NUMBL: variants seen among roughly 807,000 people sequenced by gnomAD.
The protein encoded by NUMBL is NUMB like endocytic adaptor protein.
Under a neutral mutation model 48.9 loss-of-function variants are expected in NUMBL, and 20 were observed. The observed-to-expected ratio is 0.41, with a 90% CI of 0.29 to 0.59. NUMBL has a LOEUF of 0.59. NUMBL is among the 20% of genes least tolerant of loss of function. The pLI is 0.31. For synonymous variants in NUMBL, 340 were observed against 348.7 expected, an observed-to-expected ratio of 0.98 and a Z score of 0.28; for missense variants, 660 against 846.2, an observed-to-expected ratio of 0.78 and a Z score of 2.73.
intron 6 of NUMBL, among the ~76,000 whole-genome samples, chr19:40,679,665 C>G (rs921053629): frequency 1.3e-5 from 2 of 151,980 alleles, no homozygotes; most frequent in Non-Finnish European, 2.9e-5. Flanking sequence ...GTAACAAGAG[C>G]GAAACTCTGT....
chr19:40,667,311 G>A lies in NUMBL; in HGVS notation c.*157C>T. On this transcript the variant is annotated 3_prime_UTR_variant, in exon 10 of 10. Coordinates refer to ENST00000252891, the MANE Select transcript of NUMBL (RefSeq NM_004756.5). The surrounding 1 kb of genome is among the most constrained non-coding windows in gnomAD (Gnocchi z 6.1). ...CCTGTTGCAACCTGGGCGTCACAATGTTGGTTCTGTAGTGGTTGTCGGGGT... is the reference window on the plus strand; with the variant it reads ...CCTGTTGCAACCTGGGCGTCACAATATTGGTTCTGTAGTGGTTGTCGGGGT... 1 of 1,075,590 alleles carries A rather than the reference G, an allele frequency of 9.3e-7. No homozygotes were observed. Among genetic ancestry groups the A allele is most frequent in the South Asian group, 1.7e-5 (1 of 60,446 alleles). 66.6% of individuals were successfully genotyped at this position (1,075,590 alleles called of 1,614,324 possible).
chr19:40,690,596 G>A lies in NUMBL; in HGVS notation c.-113C>T, dbSNP rs1487027642. 3.6e-6 allele frequency: 2 copies of A among 561,142 alleles called. No individual in the cohort carries two copies. The highest frequency in any genetic ancestry group is 5.2e-6 in the Non-Finnish European group (2 of 382,806). 34.8% of individuals were successfully genotyped at this position (561,142 alleles called of 1,614,324 possible). ...GGTCTGACGCCGGCCAGGGCCCGGG[G>A]CCGGGGGATGGTGCGGGATGCACGC... is the stretch of plus-strand genomic sequence containing the variant. On this transcript the variant is annotated 5_prime_UTR_variant, in exon 1 of 10. Coordinates refer to ENST00000252891, the MANE Select transcript of NUMBL (RefSeq NM_004756.5).
chr19:40,681,441 T>A (rs1435333732), intron 5 of NUMBL, among the ~76,000 whole-genome samples: 1 of 152,134 alleles, frequency 6.6e-6, no homozygotes, highest in Non-Finnish European at 1.5e-5. Context: ...CTGAGGGAAC[T>A]GCCTTGCAAA....
At position 40,682,858 on chromosome 19, in the gene NUMBL, C is replaced by T. The variant is rs1203103280; in HGVS notation, c.324+36G>A. On this transcript the variant is annotated intron_variant, in intron 4 of 9. Coordinates refer to ENST00000252891, the MANE Select transcript of NUMBL (RefSeq NM_004756.5). This position sits in a 1 kb window ranked among gnomAD's most constrained non-coding sequence, Gnocchi z 4.0. ...GGTCAGGGTGCCTCTCCCTGTCTGA[C>T]CTTGCCCCCTCCCTCATGGCAGCCC... 2.7e-5 allele frequency: 43 copies of T among 1,613,958 alleles called. No individual in the cohort carries two copies. The highest frequency in any genetic ancestry group is 3.6e-5 in the Non-Finnish European group (43 of 1,180,000).
Position 40,688,265 on chromosome 19 carries a change from G to A in NUMBL, c.25-1270C>T, listed in dbSNP as rs2081944531. On this transcript the variant is annotated intron_variant, in intron 1 of 9. Coordinates refer to ENST00000252891, the MANE Select transcript of NUMBL (RefSeq NM_004756.5). This position sits in a 1 kb window ranked among gnomAD's most constrained non-coding sequence, Gnocchi z 4.6. Reference sequence around the variant, plus strand: ...AGCCTTTCTTCATGCAGGCACACAAGTCACACAGACAAGTATGTGGCCATA... The same window carrying A: ...AGCCTTTCTTCATGCAGGCACACAAATCACACAGACAAGTATGTGGCCATA... Among the ~76,000 whole-genome samples the A allele has an allele frequency of 2.6e-5, 4 of 152,168 alleles. No homozygotes were observed. The highest frequency in any genetic ancestry group is 9.7e-5 in the African/African-American group (4 of 41,422).
chr19:40,666,144 T>G lies in NUMBL; in HGVS notation c.*1324A>C, dbSNP rs1489328977. The G allele has an allele frequency of 2.7e-5, 2 of 75,238 alleles. No homozygotes were observed. The highest frequency in any genetic ancestry group is 1.1e-4 in the Admixed American group (1 of 8,714). The allele number at this position is 75,238 out of a possible 1,614,324, so 4.7% of individuals were successfully genotyped here. The stretch of plus-strand genomic sequence containing the variant: ...TATTGAGCTAATTAGAAGTAGTTTT[T>G]TTTTTTTTGTTTTTTTTTTTTGAGA... On this transcript the variant is annotated 3_prime_UTR_variant, in exon 10 of 10. Coordinates refer to ENST00000252891, the MANE Select transcript of NUMBL (RefSeq NM_004756.5).
intron 6 of NUMBL, 66 bp from the exon 7 acceptor site, chr19:40,677,487 T>C (rs1599907493): frequency 1.2e-5 from 17 of 1,475,376 alleles, no homozygotes; most frequent in Non-Finnish European, 1.5e-5. Flanking sequence ...CCAGGGGCAC[T>C]GGGTTATAGC....
Position 40,690,490 on chromosome 19 carries a change from C to T in NUMBL, c.-7G>A. 2.3e-6 allele frequency: 3 copies of T among 1,283,490 alleles called. No individual in the cohort carries two copies. Among genetic ancestry groups the T allele is most frequent in the Non-Finnish European group, 3.0e-6 (3 of 1,013,402 alleles). 79.5% of individuals were successfully genotyped at this position (1,283,490 alleles called of 1,614,324 possible). A position where few individuals can be genotyped will look rare whatever the true frequency, so the allele number is the denominator to read the frequency against. On this transcript the variant is annotated 5_prime_UTR_variant, in exon 1 of 10. Coordinates refer to ENST00000252891, the MANE Select transcript of NUMBL (RefSeq NM_004756.5). ...CCGCCGCGCTGCGGGACATCCAGGG[C>T]CCGGGCGCCCCCGCCTCCCGCGGCC...
chr19:40,682,812 G>A lies in NUMBL; in HGVS notation c.325-10C>T, dbSNP rs2081911787. 2 of 1,614,178 alleles carry A rather than the reference G, an allele frequency of 1.2e-6. No individual in the cohort carries two copies. The highest frequency in any genetic ancestry group is 8.5e-7 in the Non-Finnish European group (1 of 1,180,024). ...CGGACTTTCGGCCCATCTGGAGGGA[G>A]GCAAGGGGACAAAGGAGCCGGGTCA... On this transcript the variant is annotated splice_polypyrimidine_tract_variant and intron_variant, in intron 4 of 9. Coordinates refer to ENST00000252891, the MANE Select transcript of NUMBL (RefSeq NM_004756.5). The surrounding 1 kb of genome is among the most constrained non-coding windows in gnomAD (Gnocchi z 4.0).
chr19:40,682,714 C>G lies in NUMBL; in HGVS notation c.399+14G>C, dbSNP rs183818337. On this transcript the variant is annotated intron_variant, in intron 5 of 9. Coordinates refer to ENST00000252891, the MANE Select transcript of NUMBL (RefSeq NM_004756.5). The surrounding 1 kb of genome is among the most constrained non-coding windows in gnomAD (Gnocchi z 4.0). The stretch of plus-strand genomic sequence containing the variant: ...AGACAGGCCCCCTGGCGTCCACCCC[C>G]ACAGGCCTCCTACCTTGGTTTTGTC... 883 of 1,613,326 alleles carry G rather than the reference C, an allele frequency of 5.5e-4. 10 individuals carry two copies. In the East Asian group the frequency reaches 0.016, roughly 29 times the overall value.
intron 3 of NUMBL, 175 bp downstream of exon 3, chr19:40,684,242 G>A (rs1489190616): frequency 1.5e-5 from 10 of 655,728 alleles, no homozygotes; most frequent in Non-Finnish European, 2.2e-5. Flanking sequence ...CTAATTTGTT[G>A]TATTTCTAGT....
Position 40,687,892 on chromosome 19 carries a change from A to T in NUMBL, c.25-897T>A, listed in dbSNP as rs2081942943. Among the ~76,000 whole-genome samples the T allele has an allele frequency of 6.6e-6, 1 of 152,210 alleles. No homozygotes were observed. Among genetic ancestry groups the T allele is most frequent in the East Asian group, 1.9e-4 (1 of 5,202 alleles). On this transcript the variant is annotated intron_variant, in intron 1 of 9. Coordinates refer to ENST00000252891, the MANE Select transcript of NUMBL (RefSeq NM_004756.5). The surrounding 1 kb of genome is among the most constrained non-coding windows in gnomAD (Gnocchi z 4.6). Reference sequence around the variant, plus strand: ...ATGCAGCCTCAACCAGACCAGTCACACCAACACACTGTTTTTGGCCACACA... The same window carrying T: ...ATGCAGCCTCAACCAGACCAGTCACTCCAACACACTGTTTTTGGCCACACA...
chr19:40,675,372 A>G (rs1015132717), intron 7 of NUMBL, among the ~76,000 whole-genome samples: 3 of 151,888 alleles, frequency 2.0e-5, no homozygotes, highest in African/African-American at 7.3e-5. Flanking sequence ...CTAATTCAGG[A>G]TCACATCTCG....
At chr19:40,680,107 C>T (rs1189960754) in intron 6 of NUMBL, among the ~76,000 whole-genome samples, 1 of 151,552 alleles carries the variant, frequency 6.6e-6, no homozygotes, top group East Asian at 1.9e-4. Context: ...TCTTTTCTGG[C>T]TTTCATTCTC....
rs777188120 is a variant in NUMBL, at chr19:40,668,146, G to C, written c.1160-8C>G. On this transcript the variant is annotated splice_polypyrimidine_tract_variant and splice_region_variant and intron_variant, in intron 9 of 9. Transcript: ENST00000252891. ...CACCCCAGGCAGAAGTCCCTGGAGA[G>C]AGGAGAGGGACAGGTGAGGGAGGGG... The C allele has an allele frequency of 1.3e-6, 2 of 1,585,670 alleles. No individual in the cohort carries two copies. The highest frequency in any genetic ancestry group is 1.3e-5 in the African/African-American group (1 of 74,534).
intron 8 of NUMBL, among the ~76,000 whole-genome samples, chr19:40,671,621 C>T (rs1457970675): frequency 6.6e-6 from 1 of 152,168 alleles, no homozygotes; most frequent in Non-Finnish European, 1.5e-5. Context: ...GCGTCACTCT[C>T]AACAAGGGTT....
chr19:40,685,302 ATG>A (rs57140242), intron 2 of NUMBL: 226 of 151,060 alleles, frequency 1.5e-3, no homozygotes, highest in Middle Eastern at 6.9e-3. Context: ...GCAGAGGGGG[ATG>A]TGTGTGTGTG....
At chr19:40,676,993 T>C (rs553378321) in intron 7 of NUMBL, among the ~76,000 whole-genome samples, 1 of 152,238 alleles carries the variant, frequency 6.6e-6, no homozygotes, top group East Asian at 2.0e-4. Context: ...TTTTGTATTT[T>C]AGTAGAGACG....
At chr19:40,672,328 G>C (rs1208709198) in intron 8 of NUMBL, among the ~76,000 whole-genome samples, 1 of 152,146 alleles carries the variant, frequency 6.6e-6, no homozygotes, top group Admixed American at 6.5e-5. Flanking sequence ...GGCTCCCCTG[G>C]CCAAGTGCTA....
Sources: allele counts gnomAD v4.1 joint callset (sites outside exome capture counted in the v4.1 genomes callset), GRCh38; gene constraint gnomAD v4.1.1; non-coding constraint Gnocchi (gnomAD v3.1); transcripts MANE v1.5; gene names NCBI Gene and HGNC (gene_info 2026-07-23, HGNC 2026-07-21).